Variants in SMAD6 observed in about 807,000 individuals in gnomAD.
SMAD6 encodes MAD homolog 6.
In SMAD6, 103 loss-of-function variants were observed where a neutral mutation model predicts 39.4. The ratio of observed to expected loss-of-function variants is 2.62; its 90% CI spans 2.23 to 3.08. The LOEUF (loss-of-function observed/expected upper bound fraction) is 3.08. Ranked by LOEUF, SMAD6 falls within the 30% of genes most tolerant of loss-of-function variation. The probability of loss-of-function intolerance (pLI) is 0.00; values close to 1 mark genes in which losing one functional copy is unlikely to be tolerated. For missense variants in SMAD6, 1,104 were observed against 742.9 expected (o/e 1.49, Z -5.65); for synonymous variants, 445 against 353.3 (o/e 1.26, Z -2.91).
rs1283871642 is a variant in SMAD6, at chr15:66,703,219, A to G, written c.-40A>G. The G allele has an allele frequency of 2.3e-6, 3 of 1,323,584 alleles. No homozygotes were observed. 82.0% of individuals were successfully genotyped at this position (1,323,584 alleles called of 1,614,324 possible). A position where few individuals can be genotyped will look rare whatever the true frequency, so the allele number is the denominator to read the frequency against. ...GAGGGAACGGACCCCCGGTAACCGG[A>G]GACCGCCTCCCCCCCACCCCTGGCG... On this transcript the variant is annotated 5_prime_UTR_variant, in exon 1 of 4. Transcript: ENST00000288840.
At chr15:66,757,878 GT>G (rs1460126424) in intron 3 of SMAD6, among the ~76,000 whole-genome samples, 1 of 152,220 alleles carries the variant, frequency 6.6e-6, no homozygotes, top group Non-Finnish European at 1.5e-5. Context: ...AGACGTGGTG[GT>G]GGTGGCCTGA....
chr15:66,725,786 T>A (rs1351898016), intron 3 of SMAD6, among the ~76,000 whole-genome samples: 1 of 151,870 alleles, frequency 6.6e-6, no homozygotes, highest in Non-Finnish European at 1.5e-5. Flanking sequence ...GGGAGAGGGG[T>A]TGGAGTGGGT....
intron 3 of SMAD6, among the ~76,000 whole-genome samples, chr15:66,752,292 G>A (rs990292684): frequency 3.3e-5 from 5 of 152,174 alleles, no homozygotes; most frequent in African/African-American, 1.2e-4. Flanking sequence ...AGATACAGGA[G>A]GAGATCCTCA....
intron 3 of SMAD6, among the ~76,000 whole-genome samples, chr15:66,731,454 A>G (rs541170319): frequency 6.6e-6 from 1 of 151,062 alleles, no homozygotes; most frequent in South Asian, 2.1e-4. Flanking sequence ...AAAAAAAAAA[A>G]GTTCCTTGGT....
chr15:66,728,026 T>C (rs1893553869), intron 3 of SMAD6, among the ~76,000 whole-genome samples: 1 of 152,120 alleles, frequency 6.6e-6, no homozygotes, highest in South Asian at 2.1e-4. Context: ...GCTAATTTTG[T>C]ATTTTTAGTA....
rs1238607722 is a variant in SMAD6 at position 66,703,636 on chromosome 15, CTG to C, written c.380_381del (p.Cys127SerfsTer175). 8.1e-7 allele frequency: 1 copy of C among 1,233,292 alleles called. No individual in the cohort carries two copies. Among genetic ancestry groups the C allele is most frequent in the Non-Finnish European group, 1.0e-6 (1 of 986,684 alleles). 76.4% of individuals were successfully genotyped at this position (1,233,292 alleles called of 1,614,324 possible). ...PESDCETVTCCLFSERDAAGA... is the reference protein window; with the variant it reads ...PESDCETVTCXLFSERDAAGA... ...AGAGTGACTGCGAGACGGTGACCTG[CTG>C]TCTCTTTTCGGAGCGGGACGCCGCC... is the stretch of plus-strand genomic sequence containing the variant. On this transcript the variant is annotated frameshift_variant, in exon 1 of 4. Transcript: ENST00000288840. LOFTEE classifies it high-confidence loss of function.
chr15:66,763,788 A>G (rs761686224), intron 3 of SMAD6, among the ~76,000 whole-genome samples: 1 of 152,188 alleles, frequency 6.6e-6, no homozygotes, highest in Non-Finnish European at 1.5e-5. Context: ...GGGGTTCCAC[A>G]CAGGGGTGGG....
At chr15:66,767,763 A>C (rs1894312182) in intron 3 of SMAD6, among the ~76,000 whole-genome samples, 1 of 152,180 alleles carries the variant, frequency 6.6e-6, no homozygotes, top group Non-Finnish European at 1.5e-5. Context: ...TGTTCCAGAA[A>C]CACACAAGAA....
intron 3 of SMAD6, among the ~76,000 whole-genome samples, chr15:66,734,278 C>G (rs1028187252): frequency 1.1e-4 from 16 of 152,290 alleles, no homozygotes; most frequent in African/African-American, 3.6e-4. Context: ...AGTTTAAAGG[C>G]CTTTGTAACT....
chr15:66,748,625 G>A (rs942011477), intron 3 of SMAD6, among the ~76,000 whole-genome samples: 1 of 152,116 alleles, frequency 6.6e-6, no homozygotes, highest in Admixed American at 6.5e-5. Flanking sequence ...AAACGTTAGC[G>A]TTTGAACTGC....
At chr15:66,771,468 A>G (rs193055650) in intron 3 of SMAD6, among the ~76,000 whole-genome samples, 57 of 152,290 alleles carry the variant, frequency 3.7e-4, no homozygotes, top group Admixed American at 1.7e-3. Flanking sequence ...GGCTGAAAGA[A>G]AGGCCTTTCT....
intron 3 of SMAD6, among the ~76,000 whole-genome samples, chr15:66,732,125 T>C (rs1341377617): frequency 1.3e-5 from 2 of 151,932 alleles, no homozygotes; most frequent in African/African-American, 4.8e-5. Context: ...TTGTATTTTT[T>C]GTAGAGGTGG....
chr15:66,756,096 T>G (rs2140653656), intron 3 of SMAD6, among the ~76,000 whole-genome samples: 1 of 152,232 alleles, frequency 6.6e-6, no homozygotes, highest in South Asian at 2.1e-4. Flanking sequence ...TTTTTCCTCC[T>G]TCTTCCCCAC....
At chr15:66,772,320 T>A (rs1894393017) in intron 3 of SMAD6, among the ~76,000 whole-genome samples, 1 of 152,230 alleles carries the variant, frequency 6.6e-6, no homozygotes. Flanking sequence ...GATGGGAGAA[T>A]TAACATATGT....
intron 3 of SMAD6, among the ~76,000 whole-genome samples, chr15:66,729,146 C>T (rs781510341): frequency 2.6e-5 from 4 of 152,154 alleles, no homozygotes; most frequent in Non-Finnish European, 5.9e-5. Flanking sequence ...CAGGATCTCC[C>T]CTCTCTGCGT....
intron 3 of SMAD6, among the ~76,000 whole-genome samples, chr15:66,727,022 G>C (rs1243658875): frequency 1.3e-5 from 2 of 152,024 alleles, no homozygotes; most frequent in African/African-American, 4.8e-5. Flanking sequence ...GCCGGTGCCT[G>C]ATTACTTCTG....
intron 1 of SMAD6, chr15:66,708,784 T>G (rs756974446): frequency 2.1e-6 from 1 of 466,302 alleles, no homozygotes. Flanking sequence ...GTCTAGAAAG[T>G]GACTGCCAAT....
At chr15:66,734,747 G>C (rs1429784782) in intron 3 of SMAD6, among the ~76,000 whole-genome samples, 3 of 152,128 alleles carry the variant, frequency 2.0e-5, no homozygotes, top group Admixed American at 6.5e-5. Flanking sequence ...CTTCCATTTA[G>C]GATGATGAAA....
At position 66,702,476 on chromosome 15, in the gene SMAD6, C is replaced by A. The variant is rs1047608691; in HGVS notation, c.-783C>A. The A allele has an allele frequency of 6.6e-6, 1 of 152,362 alleles. No individual in the cohort carries two copies. The highest frequency in any genetic ancestry group is 2.4e-5 in the African/African-American group (1 of 41,392). The allele number at this position is 152,362 out of a possible 1,614,324, so 9.4% of individuals were successfully genotyped here. Reference sequence around the variant, plus strand: ...CGGCAGCCTCGGCGCACGAAGCGTCCGAGGGCAGCGTGGGGCGGGCTGCGA... The same window carrying A: ...CGGCAGCCTCGGCGCACGAAGCGTCAGAGGGCAGCGTGGGGCGGGCTGCGA... On this transcript the variant is annotated 5_prime_UTR_variant, in exon 1 of 4. Coordinates refer to ENST00000288840, the MANE Select transcript of SMAD6 (RefSeq NM_005585.5).
Sources: gnomAD v4.1 joint callset for allele counts (sites outside exome capture counted in the v4.1 genomes callset) on GRCh38, gnomAD v4.1.1 for gene constraint, MANE v1.5 for transcripts, NCBI Gene and HGNC (gene_info 2026-07-23, HGNC 2026-07-21) for gene names.